Variants in MED27 observed in about 807,000 individuals in gnomAD.
MED27 encodes the protein mediator of RNA polymerase II transcription subunit 27.
In MED27, 30 loss-of-function variants were observed where a neutral mutation model predicts 38.2. The observed-to-expected ratio is 0.79, with a 90% CI of 0.59 to 1.07. The LOEUF (loss-of-function observed/expected upper bound fraction) is 1.07, where lower values mean the gene tolerates loss of function less well. MED27 is among the 50% of genes least tolerant of loss of function. The pLI, the probability that MED27 is intolerant of heterozygous loss-of-function variation, is 0.00. For synonymous variants in MED27, 122 were observed against 153.5 expected, an observed-to-expected ratio of 0.79 and a Z score of 1.52; for missense variants, 289 against 397.5, an observed-to-expected ratio of 0.73 and a Z score of 2.32.
At chr9:132,072,808 T>G (rs895890545) in intron 2 of MED27, among the ~76,000 whole-genome samples, 1 of 152,066 alleles carries the variant, frequency 6.6e-6, no homozygotes, top group Admixed American at 6.6e-5. Flanking sequence ...TCTGAAGGAA[T>G]CTGTATTCCC....
chr9:131,924,001 A>C (rs975403613), intron 4 of MED27, among the ~76,000 whole-genome samples: 1 of 152,230 alleles, frequency 6.6e-6, no homozygotes, highest in Non-Finnish European at 1.5e-5. Flanking sequence ...GTGCGAGTGT[A>C]TCATAATGTA....
chr9:132,053,365 T>C lies in MED27; in HGVS notation c.348+24077A>G, dbSNP rs574343713. On this transcript the variant is annotated intron_variant, in intron 2 of 7. Coordinates refer to ENST00000292035, the MANE Select transcript of MED27 (RefSeq NM_004269.4). ...TAATGGGGTACGGAGGTGCTAATTTTGTTAGGATGAGCACCAAAGATCTCA... is the reference window on the plus strand; with the variant it reads ...TAATGGGGTACGGAGGTGCTAATTTCGTTAGGATGAGCACCAAAGATCTCA... 1.5e-3 allele frequency among the ~76,000 whole-genome samples: 228 copies of C among 152,162 alleles called. 1 individual carries two copies. Among genetic ancestry groups the C allele is most frequent in the African/African-American group, 5.2e-3 (217 of 41,492 alleles).
intron 4 of MED27, among the ~76,000 whole-genome samples, chr9:131,914,803 A>G (rs1371103148): frequency 6.6e-6 from 1 of 152,230 alleles, no homozygotes; most frequent in African/African-American, 2.4e-5. Flanking sequence ...GATGTGGAGA[A>G]AGATGGCAGC....
intron 2 of MED27, among the ~76,000 whole-genome samples, chr9:132,032,402 A>G (rs1832983491): frequency 6.6e-6 from 1 of 152,142 alleles, no homozygotes; most frequent in African/African-American, 2.4e-5. Flanking sequence ...TGTCAAGCCC[A>G]CACATTTGAT....
intron 3 of MED27, among the ~76,000 whole-genome samples, chr9:131,999,761 A>G (rs542161611): frequency 7.2e-5 from 11 of 152,334 alleles, no homozygotes; most frequent in African/African-American, 2.6e-4. Flanking sequence ...CAAACTAATT[A>G]AAAGCCTGTC....
chr9:131,866,336 C>T (rs923326972), intron 6 of MED27, among the ~76,000 whole-genome samples: 3 of 152,232 alleles, frequency 2.0e-5, no homozygotes, highest in African/African-American at 7.2e-5. Context: ...GGCAAGGCGT[C>T]GTGCAAATTA....
intron 5 of MED27, among the ~76,000 whole-genome samples, chr9:131,887,035 C>T (rs1334511734): frequency 3.3e-5 from 5 of 152,198 alleles, no homozygotes; most frequent in Admixed American, 3.3e-4. Context: ...AACTTCTTCA[C>T]TGTTTACCCT....
intron 2 of MED27, among the ~76,000 whole-genome samples, chr9:132,014,749 A>C (rs1832566104): frequency 6.6e-6 from 1 of 152,252 alleles, no homozygotes; most frequent in Non-Finnish European, 1.5e-5. Context: ...AATTGATTAA[A>C]ATAGAGAAAG....
At chr9:131,939,825 C>T (rs1050333342) in intron 3 of MED27, among the ~76,000 whole-genome samples, 9 of 152,060 alleles carry the variant, frequency 5.9e-5, no homozygotes, top group African/African-American at 1.4e-4. Context: ...TGCGCACCTC[C>T]GGGCTGTCTC....
At chr9:132,061,191 T>C (rs1299530052) in intron 2 of MED27, among the ~76,000 whole-genome samples, 1 of 152,140 alleles carries the variant, frequency 6.6e-6, no homozygotes, top group Non-Finnish European at 1.5e-5. Context: ...AACCTTAACT[T>C]CAGACATAAG....
rs1184946911 is a variant in MED27, at chr9:131,917,874, A to AAAAAAT, written c.573+21501_573+21506dup. ...ACTAAAACTGAATTAGACAGCCTTA[A>AAAAAAT]AAAAATAAAAATAAAAATAAAGGTA... On this transcript the variant is annotated intron_variant, in intron 4 of 7. Coordinates refer to ENST00000292035, the MANE Select transcript of MED27 (RefSeq NM_004269.4). This position sits in a 1 kb window ranked among gnomAD's most constrained non-coding sequence, Gnocchi z 4.6. Among the ~76,000 whole-genome samples, 4 of 152,194 alleles carry AAAAAAT rather than the reference A, an allele frequency of 2.6e-5. No individual in the cohort carries two copies. The highest frequency in any genetic ancestry group is 4.4e-5 in the Non-Finnish European group (3 of 68,026).
At chr9:131,894,766 T>G (rs1564272582) in intron 4 of MED27, among the ~76,000 whole-genome samples, 1 of 151,836 alleles carries the variant, frequency 6.6e-6, no homozygotes, top group African/African-American at 2.4e-5. Context: ...TATGGCTGTT[T>G]CCCCCCATCA....
chr9:131,959,709 T>C (rs995673684), intron 3 of MED27, among the ~76,000 whole-genome samples: 2 of 152,200 alleles, frequency 1.3e-5, no homozygotes, highest in Non-Finnish European at 2.9e-5. Context: ...CATACGGTAA[T>C]TATTCCAGAA....
Position 132,028,055 on chromosome 9 carries a change from C to T in MED27, c.349-13588G>A, listed in dbSNP as rs572670787. Among the ~76,000 whole-genome samples the T allele has an allele frequency of 1.4e-4, 21 of 152,266 alleles. 1 individual carries two copies. The highest frequency in any genetic ancestry group is 4.6e-4 in the African/African-American group (19 of 41,556). ...ACACAGCCGGACAACCTACGTGCTCCGGCCCCAGCTCCTCCTTCCACCTGC... is the reference window on the plus strand; with the variant it reads ...ACACAGCCGGACAACCTACGTGCTCTGGCCCCAGCTCCTCCTTCCACCTGC... On this transcript the variant is annotated intron_variant, in intron 2 of 7. Coordinates refer to ENST00000292035, the MANE Select transcript of MED27 (RefSeq NM_004269.4).
intron 2 of MED27, among the ~76,000 whole-genome samples, chr9:132,053,270 G>T (rs9411339): frequency 0.57 from 84,208 of 148,864 alleles, 25,788 homozygotes; most frequent in Non-Finnish European, 0.67. Context: ...AAAAAAAAAA[G>T]AAAAAGAAAG....
rs145336719 is a variant in MED27, at chr9:131,893,333, G to A, written c.681+552C>T. On this transcript the variant is annotated intron_variant, in intron 5 of 7. Transcript: ENST00000292035. Reference sequence around the variant, plus strand: ...CTCTGTGGAGCCATATGGAGACTGTGCAGTCAAAAGGAATTAGGGGTTCAC... The same window carrying A: ...CTCTGTGGAGCCATATGGAGACTGTACAGTCAAAAGGAATTAGGGGTTCAC... Among the ~76,000 whole-genome samples the A allele has an allele frequency of 1.2e-3, 186 of 152,266 alleles. 1 individual carries two copies. The highest frequency in any genetic ancestry group is 5.8e-3 in the East Asian group (30 of 5,180).
intron 3 of MED27, among the ~76,000 whole-genome samples, chr9:131,960,764 C>G (rs1255896780): frequency 6.6e-6 from 1 of 152,126 alleles, no homozygotes; most frequent in Non-Finnish European, 1.5e-5. Context: ...GCCTTAACAA[C>G]AAGGGGAGAG....
At chr9:132,025,527 G>C (rs1053349810) in intron 2 of MED27, among the ~76,000 whole-genome samples, 1 of 152,192 alleles carries the variant, frequency 6.6e-6, no homozygotes, top group African/African-American at 2.4e-5. Flanking sequence ...CAGAGAAAGA[G>C]TTCTACTACT....
chr9:131,930,668 C>G (rs1177634743), intron 4 of MED27, among the ~76,000 whole-genome samples: 1 of 152,132 alleles, frequency 6.6e-6, no homozygotes, highest in Admixed American at 6.6e-5. Flanking sequence ...AAGAAATCAT[C>G]TGAAGGTACA....
Sources: gnomAD v4.1 joint callset for allele counts (sites outside exome capture counted in the v4.1 genomes callset) on GRCh38, gnomAD v4.1.1 for gene constraint, Gnocchi (gnomAD v3.1) non-coding constraint, MANE v1.5 for transcripts, NCBI Gene and HGNC (gene_info 2026-07-23, HGNC 2026-07-21) for gene names.